The following NAV2 variants were observed in gnomAD, a reference collection of about 807,000 sequenced individuals.
The protein encoded by NAV2 is neuron navigator 2, also known as helicase, APC down-regulated 1.
NAV2 carries 54 observed loss-of-function variants against 223.2 expected under a neutral mutation model. The ratio of observed to expected loss-of-function variants is 0.24; its 90% CI spans 0.19 to 0.30. NAV2 has a LOEUF of 0.30. Among genes scored for constraint, NAV2 ranks in the 10% least tolerant of loss-of-function variants. The pLI, the probability that NAV2 is intolerant of heterozygous loss-of-function variation, is 1.00. For synonymous variants in NAV2, 1,279 were observed against 1,239.3 expected (o/e 1.03, Z -0.67); for missense variants, 2,806 against 3,147.5 (o/e 0.89, Z 2.60).
chr11:19,779,618 T>C (rs1428599695), intron 1 of NAV2, among the ~76,000 whole-genome samples: 1 of 152,232 alleles, frequency 6.6e-6, no homozygotes, highest in African/African-American at 2.4e-5. Context: ...TTTTCCTCTT[T>C]TGTAAAAGGC....
chr11:19,871,716 G>A (rs1822351), intron 4 of NAV2, among the ~76,000 whole-genome samples: 133,475 of 152,152 alleles, frequency 0.88, 58,677 homozygotes, highest in East Asian at 1. Context: ...ACCTGGCAGC[G>A]GTCCCCCACC....
chr11:20,000,125 T>C (rs1258085759), intron 11 of NAV2, among the ~76,000 whole-genome samples: 1 of 152,136 alleles, frequency 6.6e-6, no homozygotes, highest in African/African-American at 2.4e-5. Flanking sequence ...AGAAGATATT[T>C]AAGGCCTGAG....
At position 20,107,731 on chromosome 11, in the gene NAV2, G is replaced by T; in HGVS notation, c.6909G>T (p.Trp2303Cys). Residue 2303 changes from tryptophan (W) to cysteine (C), a missense_variant, in exon 36 of 38, where the codon TGG (tryptophan) becomes TGT (cysteine). Physicochemically the swap from Trp to Cys is radical, Grantham distance 215. This residue lies in a region of NAV2 where 824 missense variants were observed against 1,069.4 expected (regional missense o/e 0.77). Coordinates refer to ENST00000349880, the MANE Select transcript of NAV2 (RefSeq NM_145117.5). ...DGSRVWFTDLWNYSIIPYLLE... is the reference protein window; with the variant it reads ...DGSRVWFTDLCNYSIIPYLLE... ...CGAGAGTGTGGTTCACCGACTTGTG[G>T]AACTATTCCATTATCCCCTATCTCC... 6.2e-7 allele frequency: 1 copy of T among 1,614,182 alleles called. No individual in the cohort carries two copies. Among genetic ancestry groups the T allele is most frequent in the Non-Finnish European group, 8.5e-7 (1 of 1,180,038 alleles).
chr11:20,033,146 G>C (rs543426166), intron 11 of NAV2, among the ~76,000 whole-genome samples: 3 of 152,318 alleles, frequency 2.0e-5, no homozygotes, highest in African/African-American at 7.2e-5. Context: ...AATGACATCG[G>C]TCAGCGTACT....
intron 1 of NAV2, among the ~76,000 whole-genome samples, chr11:19,687,748 T>C (rs536000273): frequency 3.0e-4 from 45 of 151,038 alleles, no homozygotes; most frequent in African/African-American, 1.1e-3. Flanking sequence ...CATGTGTGTG[T>C]GCACATCTGT....
intron 1 of NAV2, among the ~76,000 whole-genome samples, chr11:19,390,872 A>C (rs561397928): frequency 2.0e-5 from 3 of 152,312 alleles, no homozygotes; most frequent in African/African-American, 7.2e-5. Flanking sequence ...TTTATTGTTC[A>C]ATAACTACTT....
At chr11:19,880,817 C>T (rs190576518) in intron 5 of NAV2, among the ~76,000 whole-genome samples, 51 of 152,236 alleles carry the variant, frequency 3.4e-4, no homozygotes, top group African/African-American at 1.2e-3. Context: ...GTGGAAATAA[C>T]ATCACCCTGT....
chr11:19,588,580 G>C (rs988936157), intron 1 of NAV2, among the ~76,000 whole-genome samples: 1 of 152,202 alleles, frequency 6.6e-6, no homozygotes, highest in African/African-American at 2.4e-5. Context: ...CATATTTATA[G>C]GGCTGAGGTT....
chr11:20,064,424 T>C lies in NAV2; in HGVS notation c.4884+2065T>C, dbSNP rs574951796. 7.3e-4 allele frequency among the ~76,000 whole-genome samples: 111 copies of C among 152,318 alleles called. 2 individuals are homozygous for C. The South Asian group carries it at 0.022, about 31-fold the overall frequency. The stretch of plus-strand genomic sequence containing the variant: ...AGAGAAGCTGTAGTGGATGTTTCAG[T>C]GCCCAGCCCCGTGTTTTCCCTGTGG... On this transcript the variant is annotated intron_variant, in intron 20 of 37. Transcript: ENST00000349880.
At chr11:19,641,326 G>T (rs747730497) in intron 1 of NAV2, among the ~76,000 whole-genome samples, 1 of 152,056 alleles carries the variant, frequency 6.6e-6, no homozygotes, top group Non-Finnish European at 1.5e-5. Flanking sequence ...GTCTGCCTAC[G>T]AAATAAGTCT....
intron 1 of NAV2, among the ~76,000 whole-genome samples, chr11:19,577,811 G>GGCAGCA (rs1227017110): frequency 6.6e-6 from 1 of 152,140 alleles, no homozygotes; most frequent in Non-Finnish European, 1.5e-5. Flanking sequence ...TTCCAATGGT[G>GGCAGCA]GCAGCAGCAG....
intron 19 of NAV2, among the ~76,000 whole-genome samples, 181 bp downstream of exon 19, chr11:20,056,138 C>T (rs2058350365): frequency 6.6e-6 from 1 of 152,188 alleles, no homozygotes; most frequent in Non-Finnish European, 1.5e-5. Context: ...TAAGGTCTGG[C>T]CTGACCCTTA....
At chr11:19,664,482 G>T (rs2048360742) in intron 1 of NAV2, among the ~76,000 whole-genome samples, 1 of 152,182 alleles carries the variant, frequency 6.6e-6, no homozygotes, top group Non-Finnish European at 1.5e-5. Context: ...TAATGGAGAG[G>T]TCATGAGTCC....
intron 1 of NAV2, among the ~76,000 whole-genome samples, chr11:19,605,950 A>G (rs533108189): frequency 6.6e-6 from 1 of 152,208 alleles, no homozygotes; most frequent in Admixed American, 6.5e-5. Context: ...TTACTCCAAG[A>G]AATCCAGGGG....
intron 1 of NAV2, among the ~76,000 whole-genome samples, chr11:19,443,621 C>T (rs950362452): frequency 6.6e-6 from 1 of 152,192 alleles, no homozygotes; most frequent in Non-Finnish European, 1.5e-5. Context: ...CTTCTCTCCT[C>T]TTTCTCACTG....
At chr11:19,554,132 G>C (rs2134686673) in intron 1 of NAV2, among the ~76,000 whole-genome samples, 1 of 152,366 alleles carries the variant, frequency 6.6e-6, no homozygotes, top group African/African-American at 2.4e-5. Flanking sequence ...GGGAACTAAT[G>C]CTGGGTTAGA....
At position 19,636,571 on chromosome 11, in the gene NAV2, AG is replaced by A. The variant is rs1326232846; in HGVS notation, c.76-195912del. On this transcript the variant is annotated intron_variant, in intron 1 of 37. Transcript: ENST00000360655. ...AATGGCGTGATCTCGGCTCACTGCAAGCTCCGCCTCCCGGGTTCACGCCATT... is the reference window on the plus strand; with the variant it reads ...AATGGCGTGATCTCGGCTCACTGCAACTCCGCCTCCCGGGTTCACGCCATT... Among the ~76,000 whole-genome samples, 390 of 151,470 alleles carry A rather than the reference AG, an allele frequency of 2.6e-3. 2 individuals carry two copies. The highest frequency in any genetic ancestry group is 7.9e-3 in the African/African-American group (325 of 41,150).
At chr11:20,057,882 G>A (rs771444826) in intron 19 of NAV2, among the ~76,000 whole-genome samples, 2 of 152,204 alleles carry the variant, frequency 1.3e-5, no homozygotes, top group Non-Finnish European at 2.9e-5. Context: ...TTGATAAAAA[G>A]TGCTTGCCCA....
At chr11:20,064,435 G>A (rs950627524) in intron 20 of NAV2, among the ~76,000 whole-genome samples, 9 of 152,328 alleles carry the variant, frequency 5.9e-5, no homozygotes, top group East Asian at 3.9e-4. Flanking sequence ...GCCCAGCCCC[G>A]TGTTTTCCCT....
Sources: allele counts gnomAD v4.1 joint callset (sites outside exome capture counted in the v4.1 genomes callset), GRCh38; gene constraint gnomAD v4.1.1; regional missense constraint gnomAD v4.1.1; transcripts MANE v1.5; gene names NCBI Gene and HGNC (gene_info 2026-07-23, HGNC 2026-07-21).